The following SLC35A1 variants were observed in gnomAD, a reference collection of about 807,000 sequenced individuals.
SLC35A1 encodes CMP-sialic acid transporter.
In SLC35A1, 21 loss-of-function variants were observed where a neutral mutation model predicts 40.3. The observed-to-expected ratio is 0.52, with a 90% CI of 0.37 to 0.75. The LOEUF (loss-of-function observed/expected upper bound fraction) is 0.75, where lower values mean the gene tolerates loss of function less well. Ranked by LOEUF, SLC35A1 falls within the 30% of genes least tolerant of loss-of-function variation. The pLI is 0.00. For missense variants in SLC35A1, 297 were observed against 382.1 expected (o/e 0.78, Z 1.86); for synonymous variants, 146 against 147.3 (o/e 0.99, Z 0.06).
intron 1 of SLC35A1, among the ~76,000 whole-genome samples, chr6:87,476,998 G>A (rs1302950547): frequency 6.6e-6 from 1 of 152,098 alleles, no homozygotes; most frequent in Non-Finnish European, 1.5e-5. Context: ...CAACCTGGGG[G>A]ACAGAGTGAG....
At chr6:87,489,669 C>G (rs7754350) in intron 2 of SLC35A1, among the ~76,000 whole-genome samples, 91,946 of 150,774 alleles carry the variant, frequency 0.61, 28,785 homozygotes, top group African/African-American at 0.75. Context: ...AGTCTCCTGA[C>G]TAGCTGGGAC....
intron 2 of SLC35A1, among the ~76,000 whole-genome samples, chr6:87,479,299 A>G (rs527916246): frequency 1.1e-4 from 16 of 152,264 alleles, no homozygotes; most frequent in African/African-American, 3.9e-4. Flanking sequence ...GATAAGGTGG[A>G]GGATAGTTAA....
At chr6:87,494,422 A>ATT (rs61583010) in intron 2 of SLC35A1, among the ~76,000 whole-genome samples, 9 of 132,816 alleles carry the variant, frequency 6.8e-5, no homozygotes, top group Non-Finnish European at 9.6e-5. Context: ...AAATATTTGA[A>ATT]TTTTTTTTTT....
Position 87,505,710 on chromosome 6 carries a change from T to A in SLC35A1, c.508-672T>A, listed in dbSNP as rs533990250. 1.1e-4 allele frequency among the ~76,000 whole-genome samples: 17 copies of A among 152,248 alleles called. No homozygotes were observed. The South Asian group carries it at 2.7e-3, about 24-fold the overall frequency. On this transcript the variant is annotated intron_variant, in intron 4 of 7. Transcript: ENST00000369552. ...GGGAAGTGGGCTGAACTCATCCTTT[T>A]TATCAGAAACCTGCTCCCTCAATAA... is the stretch of plus-strand genomic sequence containing the variant.
intron 1 of SLC35A1, among the ~76,000 whole-genome samples, chr6:87,476,050 A>G (rs537468150): frequency 4.3e-4 from 66 of 152,298 alleles, no homozygotes; most frequent in Non-Finnish European, 7.6e-4. Flanking sequence ...GTCTGGGAAT[A>G]AGGAAGTATG....
At chr6:87,489,065 C>T (rs182143481) in intron 2 of SLC35A1, among the ~76,000 whole-genome samples, 8 of 152,346 alleles carry the variant, frequency 5.3e-5, no homozygotes, top group Non-Finnish European at 1.2e-4. Flanking sequence ...CTAACATTCA[C>T]ATTAGTATGG....
At chr6:87,495,251 C>A (rs766331070) in intron 2 of SLC35A1, among the ~76,000 whole-genome samples, 40 of 152,168 alleles carry the variant, frequency 2.6e-4, no homozygotes, top group Non-Finnish European at 4.6e-4. Flanking sequence ...TGAGCCGCTG[C>A]GCCAGCTCAA....
intron 2 of SLC35A1, among the ~76,000 whole-genome samples, chr6:87,492,158 G>A (rs1769572139): frequency 6.6e-6 from 1 of 151,990 alleles, no homozygotes; most frequent in African/African-American, 2.4e-5. Context: ...TAAAATTATC[G>A]AAATTGAGAC....
At chr6:87,508,316 C>T (rs1476266721) in intron 5 of SLC35A1, 104 bp from the exon 6 acceptor site, 5 of 776,388 alleles carry the variant, frequency 6.4e-6, no homozygotes, top group Non-Finnish European at 1.0e-5. Context: ...TTTTGTTCCC[C>T]AAATCATATA....
chr6:87,510,495 A>G (rs1418158174), intron 7 of SLC35A1, among the ~76,000 whole-genome samples: 1 of 152,190 alleles, frequency 6.6e-6, no homozygotes, highest in Non-Finnish European at 1.5e-5. Flanking sequence ...TTAGGAGTGA[A>G]CTAAAATAAA....
intron 4 of SLC35A1, among the ~76,000 whole-genome samples, chr6:87,503,991 C>T (rs1391757432): frequency 6.6e-6 from 1 of 152,110 alleles, no homozygotes; most frequent in African/African-American, 2.4e-5. Flanking sequence ...TATCTAAATG[C>T]TTTATATACA....
At chr6:87,483,475 C>G (rs1410564462) in intron 2 of SLC35A1, among the ~76,000 whole-genome samples, 1 of 136,962 alleles carries the variant, frequency 7.3e-6, no homozygotes, top group African/African-American at 2.9e-5. Flanking sequence ...CAATGTACCC[C>G]TATTGGGATT....
At position 87,500,550 on chromosome 6, in the gene SLC35A1, A is replaced by G. The variant is rs1278525040; in HGVS notation, c.237A>G (p.Glu79=). 43 of 1,614,000 alleles carry G rather than the reference A, an allele frequency of 2.7e-5. No individual in the cohort carries two copies. Among genetic ancestry groups the G allele is most frequent in the Non-Finnish European group, 3.4e-5 (40 of 1,180,010 alleles). The change falls in exon 3 of 8, where the codon GAA becomes GAG. Residue 79 remains glutamate (E), a synonymous_variant. Coordinates refer to ENST00000369552, the MANE Select transcript of SLC35A1 (RefSeq NM_006416.5). ...SLGRFKASLR[E]NVLGSPKELL... ...GTAGATTCAAAGCATCTTTAAGAGA[A>G]AATGTCTTGGGGAGCCCCAAGGAAC...
Position 87,508,593 on chromosome 6 carries a change from A to G in SLC35A1, c.748A>G (p.Ile250Val), listed in dbSNP as rs1770159092. 2 of 1,610,812 alleles carry G rather than the reference A, an allele frequency of 1.2e-6. No homozygotes were observed. Among genetic ancestry groups the G allele is most frequent in the Admixed American group, 1.7e-5 (1 of 59,932 alleles). ...TTACACATATTATGTCTGGTTTGTC[A>G]TCTGTAAGTATCCAGGAATTAAAGG... ...YGYTYYVWFV[I>V]FLASVGGLYT... The change falls in exon 6 of 8, where the codon ATC (isoleucine) becomes GTC (valine). Residue 250 changes from isoleucine (I) to valine (V), a missense_variant. Physicochemically the swap from Ile to Val is conservative, Grantham distance 29. Coordinates refer to ENST00000369552, the MANE Select transcript of SLC35A1 (RefSeq NM_006416.5).
intron 2 of SLC35A1, among the ~76,000 whole-genome samples, chr6:87,494,647 G>T (rs549672480): frequency 6.6e-6 from 1 of 151,908 alleles, no homozygotes; most frequent in Non-Finnish European, 1.5e-5. Context: ...GAATGGCCTC[G>T]ATCTCCTGAC....
At chr6:87,482,255 T>C (rs1411117998) in intron 2 of SLC35A1, among the ~76,000 whole-genome samples, 9 of 137,888 alleles carry the variant, frequency 6.5e-5, no homozygotes, top group South Asian at 2.7e-4. Flanking sequence ...TCCTTTTTTT[T>C]CCCCCAAGAT....
intron 2 of SLC35A1, among the ~76,000 whole-genome samples, chr6:87,485,690 G>A (rs1307998840): frequency 6.6e-6 from 1 of 151,922 alleles, no homozygotes; most frequent in African/African-American, 2.4e-5. Context: ...TTGAGCCTGC[G>A]AGGACCTGCA....
intron 4 of SLC35A1, 46 bp downstream of exon 4, chr6:87,501,356 T>TCAG: frequency 6.4e-7 from 1 of 1,568,108 alleles, no homozygotes; most frequent in South Asian, 1.1e-5. Flanking sequence ...ATAGAAAACT[T>TCAG]CCTTAAGTCT....
chr6:87,501,337 T>G (rs764596296), intron 4 of SLC35A1, 27 bp downstream of exon 4: 2 of 1,605,446 alleles, frequency 1.2e-6, no homozygotes, highest in South Asian at 2.2e-5. Flanking sequence ...ACACCATAAC[T>G]TCCCATAAAT....
Sources: allele counts gnomAD v4.1 joint callset (sites outside exome capture counted in the v4.1 genomes callset), GRCh38; gene constraint gnomAD v4.1.1; transcripts MANE v1.5; gene names NCBI Gene and HGNC (gene_info 2026-07-23, HGNC 2026-07-21).